Variants in PTPRD observed in about 807,000 individuals in gnomAD.
PTPRD encodes the protein receptor-type tyrosine-protein phosphatase delta.
In PTPRD, 34 loss-of-function variants were observed where a neutral mutation model predicts 214.5. The observed-to-expected ratio is 0.16, with a 90% CI of 0.12 to 0.21. PTPRD has a LOEUF of 0.21. Ranked by LOEUF, PTPRD falls within the 10% of genes least tolerant of loss-of-function variation. The probability of loss-of-function intolerance (pLI) is 1.00; values close to 1 mark genes in which losing one functional copy is unlikely to be tolerated. For missense variants in PTPRD, 2,545 were observed against 2,398.7 expected (o/e 1.06, Z -1.27); for synonymous variants, 1,128 against 845.7 (o/e 1.33, Z -5.79).
chr9:10,119,996 T>C (rs1448856207), intron 3 of PTPRD, among the ~76,000 whole-genome samples: 1 of 152,030 alleles, frequency 6.6e-6, no homozygotes, highest in African/African-American at 2.4e-5. Context: ...GCTACATAAA[T>C]TGGAAATCTC....
At position 8,317,245 on chromosome 9, in the gene PTPRD, A is replaced by AATAAAAAAATGAAGAGTTATGTAACTTTT. The variant is rs1822596050; in HGVS notation, c.*600_*628dup. 1 of 232,114 alleles carries AATAAAAAAATGAAGAGTTATGTAACTTTT rather than the reference A, an allele frequency of 4.3e-6. No homozygotes were observed. The highest frequency in any genetic ancestry group is 8.5e-6 in the Non-Finnish European group (1 of 117,138). The allele number at this position is 232,114 out of a possible 1,614,324, so 14.4% of individuals were successfully genotyped here. A position where few individuals can be genotyped will look rare whatever the true frequency, so the allele number is the denominator to read the frequency against. ...AGCTTAAAAAAACCTACGATTTGGAAATAAAAAAATGAAGAGTTATGTAAC... is the reference window on the plus strand; with the variant it reads ...AGCTTAAAAAAACCTACGATTTGGAAATAAAAAAATGAAGAGTTATGTAACTTTTATAAAAAAATGAAGAGTTATGTAAC... On this transcript the variant is annotated 3_prime_UTR_variant, in exon 46 of 46. Transcript: ENST00000381196.
At chr9:9,958,060 C>T (rs574632008) in intron 4 of PTPRD, among the ~76,000 whole-genome samples, 1 of 152,068 alleles carries the variant, frequency 6.6e-6, no homozygotes, top group African/African-American at 2.4e-5. Context: ...AGAGCTTACA[C>T]CTTTCATAAA....
chr9:8,974,187 C>T (rs2099255246), intron 11 of PTPRD, among the ~76,000 whole-genome samples: 1 of 152,056 alleles, frequency 6.6e-6, no homozygotes, highest in Non-Finnish European at 1.5e-5. Context: ...CGAGGTCTTA[C>T]ATTTAAATCT....
intron 3 of PTPRD, among the ~76,000 whole-genome samples, chr9:10,149,297 C>T (rs1291245424): frequency 6.6e-6 from 1 of 152,134 alleles, no homozygotes; most frequent in Admixed American, 6.5e-5. Flanking sequence ...GCAAAGTTTG[C>T]TACTAGGGGC....
intron 44 of PTPRD, among the ~76,000 whole-genome samples, chr9:8,328,389 G>A (rs1406518395): frequency 6.6e-6 from 1 of 152,206 alleles, no homozygotes; most frequent in Non-Finnish European, 1.5e-5. Context: ...GAGACCTGCT[G>A]TTAGTCTGAT....
At chr9:9,294,171 A>G (rs1412884) in intron 9 of PTPRD, among the ~76,000 whole-genome samples, 1 of 151,518 alleles carries the variant, frequency 6.6e-6, no homozygotes, top group Non-Finnish European at 1.5e-5. Flanking sequence ...TCACACTACT[A>G]AGAATGTTGT....
At chr9:8,755,118 G>A (rs1054040636) in intron 11 of PTPRD, among the ~76,000 whole-genome samples, 3 of 151,402 alleles carry the variant, frequency 2.0e-5, no homozygotes, top group African/African-American at 7.3e-5. Context: ...GTGCCAACTG[G>A]TAAAAACTCC....
At chr9:9,845,839 T>C (rs2059426428) in intron 5 of PTPRD, among the ~76,000 whole-genome samples, 1 of 152,102 alleles carries the variant, frequency 6.6e-6, no homozygotes. Context: ...AAGGCTGCAA[T>C]TAAATAGCTA....
At chr9:9,119,166 C>T (rs2099815182) in intron 10 of PTPRD, among the ~76,000 whole-genome samples, 2 of 152,086 alleles carry the variant, frequency 1.3e-5, no homozygotes, top group Non-Finnish European at 2.9e-5. Flanking sequence ...TTGGTTTAAC[C>T]TTGTTGAGTT....
intron 10 of PTPRD, among the ~76,000 whole-genome samples, chr9:9,099,250 C>G (rs2099787999): frequency 6.6e-6 from 1 of 152,118 alleles, no homozygotes; most frequent in Admixed American, 6.5e-5. Flanking sequence ...TGGTGATATT[C>G]TAGTTCTTCA....
intron 8 of PTPRD, among the ~76,000 whole-genome samples, chr9:9,548,832 T>A (rs1569569187): frequency 6.6e-6 from 1 of 152,108 alleles, no homozygotes; most frequent in Non-Finnish European, 1.5e-5. Context: ...ACTAAATGTA[T>A]ATCCCTTAAA....
At chr9:9,010,472 G>C (rs893415883) in intron 11 of PTPRD, among the ~76,000 whole-genome samples, 2 of 152,102 alleles carry the variant, frequency 1.3e-5, no homozygotes, top group African/African-American at 4.8e-5. Context: ...TGTTAGTTCA[G>C]GTAATGGGAA....
At chr9:10,498,460 A>G (rs573602448) in intron 2 of PTPRD, among the ~76,000 whole-genome samples, 1 of 152,042 alleles carries the variant, frequency 6.6e-6, no homozygotes, top group African/African-American at 2.4e-5. Context: ...TGGTTATACC[A>G]CATTAAAGGA....
intron 5 of PTPRD, among the ~76,000 whole-genome samples, chr9:9,908,860 G>A (rs1445263207): frequency 6.6e-6 from 1 of 151,844 alleles, no homozygotes; most frequent in African/African-American, 2.4e-5. Flanking sequence ...ATTGTCTTTG[G>A]TATCTAGGTC....
chr9:8,590,059 T>G (rs1441925473), intron 14 of PTPRD, among the ~76,000 whole-genome samples: 1 of 152,092 alleles, frequency 6.6e-6, no homozygotes, highest in Non-Finnish European at 1.5e-5. Context: ...TTCCAAGGAT[T>G]ATGACCTAGG....
At chr9:9,184,583 G>A (rs916587743) in intron 9 of PTPRD, among the ~76,000 whole-genome samples, 2 of 151,974 alleles carry the variant, frequency 1.3e-5, no homozygotes, top group Admixed American at 6.6e-5. Context: ...TTGGCACTGC[G>A]TTTTATGTAA....
intron 2 of PTPRD, among the ~76,000 whole-genome samples, chr9:10,491,254 T>A (rs888909661): frequency 6.6e-6 from 1 of 152,172 alleles, no homozygotes; most frequent in Non-Finnish European, 1.5e-5. Context: ...TAATCACATA[T>A]TATTAGCTTA....
chr9:8,728,618 T>C (rs1416131851), intron 12 of PTPRD, among the ~76,000 whole-genome samples: 1 of 152,266 alleles, frequency 6.6e-6, no homozygotes, highest in African/African-American at 2.4e-5. Flanking sequence ...TTTGGGAAGA[T>C]CTCGCCAATT....
chr9:10,190,203 C>A (rs2099356579), intron 3 of PTPRD, among the ~76,000 whole-genome samples: 1 of 150,936 alleles, frequency 6.6e-6, no homozygotes. Flanking sequence ...CTCGTCTCTA[C>A]TAAAAATACA....
Sources: gnomAD v4.1 joint callset for allele counts (sites outside exome capture counted in the v4.1 genomes callset) on GRCh38, gnomAD v4.1.1 for gene constraint, MANE v1.5 for transcripts, NCBI Gene and HGNC (gene_info 2026-07-23, HGNC 2026-07-21) for gene names.